Variants in FRYL observed in about 807,000 individuals in gnomAD.
The protein encoded by FRYL is FRY like transcription coactivator, also known as protein furry homolog-like.
In FRYL, 150 loss-of-function variants were observed where a neutral mutation model predicts 351.2. That is an observed-to-expected ratio of 0.43 (90% CI 0.37 to 0.49). FRYL has a LOEUF of 0.49. Ranked by LOEUF, FRYL falls within the 20% of genes least tolerant of loss-of-function variation. The pLI is 0.00. For synonymous variants in FRYL, 1,153 were observed against 1,257.1 expected (o/e 0.92, Z 1.75); for missense variants, 3,036 against 3,619.3 (o/e 0.84, Z 4.13).
At chr4:48,753,397 T>C (rs946647879) in intron 1 of FRYL, among the ~76,000 whole-genome samples, 1 of 152,212 alleles carries the variant, frequency 6.6e-6, no homozygotes, top group African/African-American at 2.4e-5. Flanking sequence ...ACTAGGAATC[T>C]CCTCTGAACA....
intron 47 of FRYL, among the ~76,000 whole-genome samples, chr4:48,536,264 T>C (rs555162640): frequency 6.6e-6 from 1 of 152,300 alleles, no homozygotes; most frequent in South Asian, 2.1e-4. Flanking sequence ...CCTCCAGCTG[T>C]GCCCGGGGTA....
intron 2 of FRYL, among the ~76,000 whole-genome samples, chr4:48,702,115 A>T (rs1172295935): frequency 6.6e-6 from 1 of 152,076 alleles, no homozygotes. Flanking sequence ...ATGCTCCCTA[A>T]TCTCATACAA....
intron 2 of FRYL, among the ~76,000 whole-genome samples, chr4:48,707,574 A>G (rs896243894): frequency 6.6e-6 from 1 of 152,174 alleles, no homozygotes; most frequent in African/African-American, 2.4e-5. Context: ...CTTTAAATAA[A>G]TAAGACAAAA....
intron 1 of FRYL, among the ~76,000 whole-genome samples, chr4:48,768,270 G>A (rs927188821): frequency 2.6e-5 from 4 of 151,958 alleles, no homozygotes; most frequent in Admixed American, 1.3e-4. Context: ...ACGCACAAAT[G>A]GATTCTTAAA....
chr4:48,522,902 A>T lies in FRYL; in HGVS notation c.7520T>A (p.Met2507Lys), dbSNP rs759261056. The change falls in exon 54 of 64, where the codon ATG becomes AAG. Residue 2507 changes from methionine to lysine, a missense_variant and splice_region_variant. Met to Lys is a moderately conservative substitution (Grantham distance 95, BLOSUM62 -1). Transcript: ENST00000358350. ...CTGTAAGAAAAGTGAATTGTATACCATCTGTGTGCGTGAGAGTATCTGGCT... is the reference window on the plus strand; with the variant it reads ...CTGTAAGAAAAGTGAATTGTATACCTTCTGTGTGCGTGAGAGTATCTGGCT... The part of the protein sequence containing the change: ...TASQILSRTQ[M>K]LNSDSATDET... 2.5e-6 allele frequency: 4 copies of T among 1,610,308 alleles called. No homozygotes were observed. The Admixed American group carries it at 6.7e-5, about 27-fold the overall frequency.
chr4:48,708,115 T>A lies in FRYL; in HGVS notation c.-204+2404A>T, dbSNP rs191914847. On this transcript the variant is annotated intron_variant, in intron 2 of 63. Coordinates refer to ENST00000358350, the MANE Select transcript of FRYL (RefSeq NM_015030.2). ...GATTACAGGTGTGAGCCACCACACCTGGCCTGTATTTCTTTTTAAGAGACA... is the reference window on the plus strand; with the variant it reads ...GATTACAGGTGTGAGCCACCACACCAGGCCTGTATTTCTTTTTAAGAGACA... Among the ~76,000 whole-genome samples the A allele has an allele frequency of 1.3e-4, 20 of 151,730 alleles. No homozygotes were observed. The East Asian group carries it at 3.9e-3, about 30-fold the overall frequency.
chr4:48,728,941 G>A (rs778915487), intron 1 of FRYL, among the ~76,000 whole-genome samples: 1 of 152,254 alleles, frequency 6.6e-6, no homozygotes, highest in Non-Finnish European at 1.5e-5. Flanking sequence ...GGAAATGCAA[G>A]CGGTCAGGGG....
At chr4:48,521,479 G>C (rs753777746) in intron 54 of FRYL, among the ~76,000 whole-genome samples, 2 of 152,190 alleles carry the variant, frequency 1.3e-5, no homozygotes, top group African/African-American at 2.4e-5. Flanking sequence ...ATGTAACTAT[G>C]TTAACCTTGA....
chr4:48,596,484 A>G (rs1290633533), intron 13 of FRYL, among the ~76,000 whole-genome samples: 1 of 152,132 alleles, frequency 6.6e-6, no homozygotes, highest in East Asian at 1.9e-4. Flanking sequence ...GTGAATAGGG[A>G]GTTAAGAGCG....
chr4:48,736,190 T>A (rs1368637825), intron 1 of FRYL, among the ~76,000 whole-genome samples: 1 of 151,838 alleles, frequency 6.6e-6, no homozygotes, highest in Admixed American at 6.6e-5. Context: ...AAATACAACA[T>A]CAAAACTGTG....
At chr4:48,761,235 T>C (rs770328280) in intron 1 of FRYL, among the ~76,000 whole-genome samples, 4 of 152,142 alleles carry the variant, frequency 2.6e-5, no homozygotes, top group Non-Finnish European at 5.9e-5. Flanking sequence ...GAAGAGGCCA[T>C]ATATTAAGAA....
rs1446687722 is a variant in FRYL at position 48,567,270 on chromosome 4, C to T, written c.3147G>A (p.Ala1049=). The T allele has an allele frequency of 6.2e-6, 10 of 1,609,530 alleles. No individual in the cohort carries two copies. Among genetic ancestry groups the T allele is most frequent in the Admixed American group, 3.4e-5 (2 of 59,278 alleles). ...TACCTGGAACATTCTGAATAATATT[C>T]GCCACTAAGGCACTAAAATGGCATC... The part of the protein sequence containing the change: ...DIRCHFSALV[A]NIIQNVPVHQ... Residue 1049 remains alanine (A), a synonymous_variant, in exon 28 of 64, where the codon GCG becomes GCA. Transcript: ENST00000358350. The surrounding 1 kb of genome is among the most constrained non-coding windows in gnomAD (Gnocchi z 4.2).
At position 48,531,367 on chromosome 4, in the gene FRYL, T is replaced by C. The variant is rs1727568506; in HGVS notation, c.6706-14A>G. Reference sequence around the variant, plus strand: ...CCAGTAAGGACTCTGGTTTAAAAAATAATTGACACGTAAAAGTTACAAATG... The same window carrying C: ...CCAGTAAGGACTCTGGTTTAAAAAACAATTGACACGTAAAAGTTACAAATG... On this transcript the variant is annotated splice_polypyrimidine_tract_variant and intron_variant, in intron 49 of 63. Coordinates refer to ENST00000358350, the MANE Select transcript of FRYL (RefSeq NM_015030.2). 1.3e-6 allele frequency: 2 copies of C among 1,577,250 alleles called. No individual in the cohort carries two copies. The highest frequency in any genetic ancestry group is 1.1e-5 in the South Asian group (1 of 89,210).
At chr4:48,594,822 G>A (rs1316559775) in intron 15 of FRYL, among the ~76,000 whole-genome samples, 1 of 152,162 alleles carries the variant, frequency 6.6e-6, no homozygotes, top group Non-Finnish European at 1.5e-5. Flanking sequence ...CAAGATGGAT[G>A]TCCCAAAAGG....
intron 4 of FRYL, among the ~76,000 whole-genome samples, chr4:48,632,125 T>C (rs1313044943): frequency 4.0e-5 from 4 of 99,248 alleles, no homozygotes; most frequent in African/African-American, 1.5e-4. Context: ...TATATATATA[T>C]ATATGCGCAC....
rs1442581631 is a variant in FRYL, at chr4:48,710,530, G to T, written c.-215C>A. 3 of 398,456 alleles carry T rather than the reference G, an allele frequency of 7.5e-6. No individual in the cohort carries two copies. The highest frequency in any genetic ancestry group is 1.3e-5 in the Non-Finnish European group (3 of 226,068). The allele number at this position is 398,456 out of a possible 1,614,324, so 24.7% of individuals were successfully genotyped here. ...ATACATGTCCTTACCACTTAGAAAT[G>T]GTTGTTGAGGCACAGAGTTTGTAGA... On this transcript the variant is annotated 5_prime_UTR_variant, in exon 2 of 64. Transcript: ENST00000358350.
chr4:48,528,517 T>C (rs887437997), intron 50 of FRYL, among the ~76,000 whole-genome samples, 181 bp from the exon 51 acceptor site: 3 of 152,132 alleles, frequency 2.0e-5, no homozygotes, highest in African/African-American at 7.2e-5. Flanking sequence ...ATATTTTTAA[T>C]CAAGAGACTT....
At chr4:48,543,140 C>T (rs1730600006) in intron 44 of FRYL, among the ~76,000 whole-genome samples, 1 of 152,148 alleles carries the variant, frequency 6.6e-6, no homozygotes, top group Admixed American at 6.5e-5. Context: ...TTTTCCTATG[C>T]CTGAAATATT....
chr4:48,609,138 G>A, intron 8 of FRYL, 71 bp from the exon 9 acceptor site: 1 of 867,484 alleles, frequency 1.2e-6, no homozygotes, highest in Non-Finnish European at 1.9e-6. Context: ...TAATACATAT[G>A]AAAATTCCTT....
Sources: allele counts gnomAD v4.1 joint callset (sites outside exome capture counted in the v4.1 genomes callset), GRCh38; gene constraint gnomAD v4.1.1; non-coding constraint Gnocchi (gnomAD v3.1); transcripts MANE v1.5; gene names NCBI Gene and HGNC (gene_info 2026-07-23, HGNC 2026-07-21).